The following PRMT8 variants were observed in gnomAD, a reference collection of about 807,000 sequenced individuals.
The protein encoded by PRMT8 is protein arginine methyltransferase 8.
Under a neutral mutation model 47.1 loss-of-function variants are expected in PRMT8, and 7 were observed. The ratio of observed to expected loss-of-function variants is 0.15; its 90% CI spans 0.08 to 0.28. The LOEUF is 0.28. PRMT8 is among the 10% of genes least tolerant of loss of function. The probability of loss-of-function intolerance (pLI) is 1.00; values close to 1 mark genes in which losing one functional copy is unlikely to be tolerated. For missense variants in PRMT8, 237 were observed against 505.4 expected (o/e 0.47, Z 5.09); for synonymous variants, 188 against 186.5 (o/e 1.01, Z -0.07).
chr12:3,544,997 T>C (rs1591595220), intron 2 of PRMT8, among the ~76,000 whole-genome samples: 1 of 152,326 alleles, frequency 6.6e-6, no homozygotes, highest in South Asian at 2.1e-4. Context: ...GCAGCCTTTG[T>C]CGTTATTTTG....
At chr12:3,434,941 C>T (rs556624286) in intron 1 of PRMT8, among the ~76,000 whole-genome samples, 7 of 151,068 alleles carry the variant, frequency 4.6e-5, no homozygotes, top group Non-Finnish European at 8.8e-5. Flanking sequence ...GTAGAGGAGT[C>T]CCCAGTGAAG....
Position 3,409,042 on chromosome 12 carries a change from G to T in PRMT8, c.48+27600G>T, listed in dbSNP as rs573145374. Among the ~76,000 whole-genome samples, 3 of 152,324 alleles carry T rather than the reference G, an allele frequency of 2.0e-5. No individual in the cohort carries two copies. Among genetic ancestry groups the T allele is most frequent in the Admixed American group, 2.0e-4 (3 of 15,296 alleles). ...GGCTGCAGTGGTGCTGGGTTCTGGG[G>T]TGCAGGTGCTCAGAGTGGCTGTAAA... On this transcript the variant is annotated intron_variant, in intron 1 of 9. Transcript: ENST00000452611. This position sits in a 1 kb window ranked among gnomAD's most constrained non-coding sequence, Gnocchi z 4.4.
At chr12:3,491,126 G>T, upstream of PRMT8, 3 of 984,154 alleles carry the variant, frequency 3.0e-6, no homozygotes, top group South Asian at 4.7e-5. Context: ...CCCAGCCGCC[G>T]CCGGCTCCAG....
At chr12:3,575,047 G>A (rs1005057201) in intron 6 of PRMT8, among the ~76,000 whole-genome samples, 2 of 152,222 alleles carry the variant, frequency 1.3e-5, no homozygotes, top group Non-Finnish European at 2.9e-5. Flanking sequence ...TCCCCACGAA[G>A]TAGGTTTTAA....
chr12:3,464,583 G>C (rs2137090336), intron 1 of PRMT8, among the ~76,000 whole-genome samples: 1 of 152,224 alleles, frequency 6.6e-6, no homozygotes, highest in Non-Finnish European at 1.5e-5. Flanking sequence ...GTGCCAAGCT[G>C]TCTGCTAGAT....
At chr12:3,400,140 A>G (rs1250316507) in intron 1 of PRMT8, among the ~76,000 whole-genome samples, 1 of 152,198 alleles carries the variant, frequency 6.6e-6, no homozygotes, top group Non-Finnish European at 1.5e-5. Flanking sequence ...AGCTAGCAGA[A>G]ACCAAGAAAT....
rs144232540 is a variant in PRMT8, at chr12:3,586,972, A to G, written c.979+3764A>G. Among the ~76,000 whole-genome samples the G allele has an allele frequency of 3.9e-3, 588 of 152,316 alleles. 2 individuals are homozygous for G. Among genetic ancestry groups the G allele is most frequent in the Non-Finnish European group, 5.0e-3 (343 of 68,032 alleles). On this transcript the variant is annotated intron_variant, in intron 8 of 9. Transcript: ENST00000382622. ...GTGTCAGCGTGGGGGCTCTGTTTCT[A>G]GCAGGTAGCAAACTTCTTTCCCAGT...
At chr12:3,476,066 G>A (rs1170543266) in intron 1 of PRMT8, among the ~76,000 whole-genome samples, 4 of 152,166 alleles carry the variant, frequency 2.6e-5, no homozygotes, top group South Asian at 2.1e-4. Flanking sequence ...TTGAGTAACA[G>A]GTCCTAAGAC....
At chr12:3,547,635 C>G (rs1049817149) in intron 2 of PRMT8, among the ~76,000 whole-genome samples, 1 of 152,116 alleles carries the variant, frequency 6.6e-6, no homozygotes, top group Non-Finnish European at 1.5e-5. Flanking sequence ...CAAAAATTAG[C>G]CAGTCTCATA....
chr12:3,541,196 T>A (rs1027528053), intron 2 of PRMT8, among the ~76,000 whole-genome samples: 1 of 152,220 alleles, frequency 6.6e-6, no homozygotes, highest in Non-Finnish European at 1.5e-5. Context: ...GAGGTCATGA[T>A]GTGCATTCTT....
chr12:3,468,989 G>A (rs892915009), intron 1 of PRMT8: 1 of 270,140 alleles, frequency 3.7e-6, no homozygotes. Context: ...TGCCAAAAAG[G>A]GCCATGGCCA....
intron 1 of PRMT8, among the ~76,000 whole-genome samples, chr12:3,531,721 C>T (rs1384083220): frequency 2.6e-5 from 4 of 152,184 alleles, no homozygotes; most frequent in Non-Finnish European, 4.4e-5. Flanking sequence ...GACAGCGAGT[C>T]CCTACCAGTG....
Position 3,566,857 on chromosome 12 carries a change from T to G in PRMT8, c.482-1849T>G, listed in dbSNP as rs1866728672. Reference sequence around the variant, plus strand: ...TTCAGAGCATGAATATATGTAACCTTTCAAAGGAAATGTTCAGAAAGAACA... The same window carrying G: ...TTCAGAGCATGAATATATGTAACCTGTCAAAGGAAATGTTCAGAAAGAACA... On this transcript the variant is annotated intron_variant, in intron 4 of 9. Coordinates refer to ENST00000382622, the MANE Select transcript of PRMT8 (RefSeq NM_019854.5). This position sits in a 1 kb window ranked among gnomAD's most constrained non-coding sequence, Gnocchi z 4.7. 6.6e-6 allele frequency among the ~76,000 whole-genome samples: 1 copy of G among 152,166 alleles called. No individual in the cohort carries two copies. Among genetic ancestry groups the G allele is most frequent in the African/African-American group, 2.4e-5 (1 of 41,440 alleles).
At chr12:3,386,294 A>G (rs1161771389) in intron 1 of PRMT8, among the ~76,000 whole-genome samples, 1 of 152,250 alleles carries the variant, frequency 6.6e-6, no homozygotes, top group Non-Finnish European at 1.5e-5. Flanking sequence ...TTGATTGAGA[A>G]TAGGTTTACC....
chr12:3,553,136 G>C (rs983605402), intron 3 of PRMT8: 1 of 205,030 alleles, frequency 4.9e-6, no homozygotes, highest in African/African-American at 2.3e-5. Flanking sequence ...CTAACGTGGG[G>C]GGTGGGAGGG....
chr12:3,434,986 T>TTTTTC (rs997445137), intron 1 of PRMT8, among the ~76,000 whole-genome samples: 1 of 146,536 alleles, frequency 6.8e-6, no homozygotes, highest in African/African-American at 2.6e-5. Context: ...TTTTTTTTTT[T>TTTTTC]CAGAAGGAGT....
At chr12:3,394,204 C>T (rs1263700622) in intron 1 of PRMT8, among the ~76,000 whole-genome samples, 2 of 151,246 alleles carry the variant, frequency 1.3e-5, no homozygotes, top group African/African-American at 4.8e-5. Flanking sequence ...CCCTTTATTT[C>T]CTTCTCCTGC....
rs1866822132 is a variant in PRMT8 at position 3,570,286 on chromosome 12, G to A, written c.712+722G>A. Among the ~76,000 whole-genome samples the A allele has an allele frequency of 6.6e-6, 1 of 152,188 alleles. No homozygotes were observed. The highest frequency in any genetic ancestry group is 2.1e-4 in the South Asian group (1 of 4,838). On this transcript the variant is annotated intron_variant, in intron 6 of 9. Transcript: ENST00000382622. The surrounding 1 kb of genome is among the most constrained non-coding windows in gnomAD (Gnocchi z 5.5). ...TGTTATCCTATTTCTCGTAAAGGGT[G>A]ACACTTCTCTGTGACACAGGCCTGA... is the stretch of plus-strand genomic sequence containing the variant.
intron 1 of PRMT8, among the ~76,000 whole-genome samples, chr12:3,413,764 A>T (rs894937767): frequency 3.9e-5 from 6 of 152,188 alleles, no homozygotes; most frequent in Non-Finnish European, 7.3e-5. Flanking sequence ...ATTCGGGGGA[A>T]AAAAAACCAA....
Sources: allele counts gnomAD v4.1 joint callset (sites outside exome capture counted in the v4.1 genomes callset), GRCh38; gene constraint gnomAD v4.1.1; non-coding constraint Gnocchi (gnomAD v3.1); transcripts MANE v1.5; gene names NCBI Gene and HGNC (gene_info 2026-07-23, HGNC 2026-07-21).